The following PLXNA2 variants were observed in gnomAD, a reference collection of about 807,000 sequenced individuals.
PLXNA2 encodes plexin A2.
A neutral mutation model predicts 193.5 loss-of-function variants in PLXNA2; 91 were observed. The observed-to-expected ratio is 0.47, with a 90% CI of 0.40 to 0.56. PLXNA2 has a LOEUF of 0.56. PLXNA2 is among the 20% of genes least tolerant of loss of function. The pLI is 0.00. For synonymous variants in PLXNA2, 997 were observed against 1,027.3 expected (o/e 0.97, Z 0.56); for missense variants, 1,995 against 2,503.2 (o/e 0.80, Z 4.33).
At chr1:208,140,785 G>A (rs1668435879) in intron 4 of PLXNA2, among the ~76,000 whole-genome samples, 1 of 152,208 alleles carries the variant, frequency 6.6e-6, no homozygotes, top group South Asian at 2.1e-4. Flanking sequence ...CAGGATAAAA[G>A]AGCATGTATA....
At chr1:208,085,111 A>C (rs1347575879) in intron 9 of PLXNA2, among the ~76,000 whole-genome samples, 1 of 148,198 alleles carries the variant, frequency 6.7e-6, no homozygotes, top group Admixed American at 6.7e-5. Context: ...ATCTCATTTC[A>C]TTACCAGGCC....
chr1:208,039,148 T>C (rs1664773691), intron 24 of PLXNA2, among the ~76,000 whole-genome samples, 164 bp from the exon 25 acceptor site: 1 of 152,144 alleles, frequency 6.6e-6, no homozygotes, highest in African/African-American at 2.4e-5. Context: ...CTTCATAACA[T>C]CTGCCAAATG....
At chr1:208,135,888 C>T (rs912917887) in intron 4 of PLXNA2, among the ~76,000 whole-genome samples, 5 of 152,082 alleles carry the variant, frequency 3.3e-5, no homozygotes, top group African/African-American at 9.7e-5. Context: ...GCAAGCAGAC[C>T]GACTGCGTGA....
chr1:208,110,657 G>A (rs1244178222), intron 4 of PLXNA2, among the ~76,000 whole-genome samples: 2 of 152,204 alleles, frequency 1.3e-5, no homozygotes, highest in Admixed American at 6.5e-5. Flanking sequence ...AGAAAACTGA[G>A]TGTCAGCTTA....
chr1:208,070,714 G>A (rs1440856066), intron 12 of PLXNA2, among the ~76,000 whole-genome samples: 2 of 152,174 alleles, frequency 1.3e-5, no homozygotes, highest in Non-Finnish European at 2.9e-5. Context: ...ACCTCATAGT[G>A]CTTCAGTGTT....
intron 3 of PLXNA2, among the ~76,000 whole-genome samples, chr1:208,153,062 G>T (rs1233734151): frequency 6.6e-6 from 1 of 152,078 alleles, no homozygotes; most frequent in Non-Finnish European, 1.5e-5. Flanking sequence ...AGCTTCGTAT[G>T]CCTTACTACA....
chr1:208,089,683 A>C lies in PLXNA2; in HGVS notation c.2097+3103T>G, dbSNP rs180825671. On this transcript the variant is annotated intron_variant, in intron 9 of 31. Coordinates refer to ENST00000367033, the MANE Select transcript of PLXNA2 (RefSeq NM_025179.4). Reference sequence around the variant, plus strand: ...AAATGTGTGATATATTAATGTTGCTATATTAATCAATGGAGCTAATCAGTT... The same window carrying C: ...AAATGTGTGATATATTAATGTTGCTCTATTAATCAATGGAGCTAATCAGTT... 1.6e-4 allele frequency among the ~76,000 whole-genome samples: 24 copies of C among 152,310 alleles called. No homozygotes were observed. In the East Asian group the frequency reaches 4.6e-3, roughly 29 times the overall value.
intron 1 of PLXNA2, among the ~76,000 whole-genome samples, chr1:208,241,483 T>C (rs1672048849): frequency 6.6e-6 from 1 of 152,204 alleles, no homozygotes; most frequent in African/African-American, 2.4e-5. Context: ...CCAGCCCCCC[T>C]GTCCTGCTCC....
Position 208,022,369 on chromosome 1 carries a change from T to C in PLXNA2, c.*4874A>G. ...TTACAATAGGTACACAATAATATAT[T>C]AGAATAACAAAAAACCCCACTTTAT... On this transcript the variant is annotated 3_prime_UTR_variant, in exon 32 of 32. Transcript: ENST00000367033. 6.6e-6 allele frequency: 1 copy of C among 152,644 alleles called. No homozygotes were observed. The highest frequency in any genetic ancestry group is 1.9e-4 in the East Asian group (1 of 5,186). The allele number at this position is 152,644 out of a possible 1,614,324, so 9.5% of individuals were successfully genotyped here.
chr1:208,030,605 A>G (rs1664472148), intron 29 of PLXNA2: 2 of 985,272 alleles, frequency 2.0e-6, no homozygotes, highest in Admixed American at 1.2e-4. Flanking sequence ...GGAGGAAGGA[A>G]GAGATGGGGC....
chr1:208,128,618 A>T (rs1314510325), intron 4 of PLXNA2, among the ~76,000 whole-genome samples: 13 of 151,690 alleles, frequency 8.6e-5, no homozygotes, highest in Non-Finnish European at 1.5e-5. Context: ...CCTCCTTTTC[A>T]TAGATATTTT....
Position 208,025,550 on chromosome 1 carries a change from C to T in PLXNA2, c.*1693G>A, listed in dbSNP as rs1279440833. Reference sequence around the variant, plus strand: ...CACACCTTTGCTTCCACTTGTCCTCCTACCCCCTGACTCCAGTGCTGCTTG... The same window carrying T: ...CACACCTTTGCTTCCACTTGTCCTCTTACCCCCTGACTCCAGTGCTGCTTG... On this transcript the variant is annotated 3_prime_UTR_variant, in exon 32 of 32. Transcript: ENST00000367033. 4.6e-5 allele frequency: 7 copies of T among 152,150 alleles called. No individual in the cohort carries two copies. The highest frequency in any genetic ancestry group is 1.4e-4 in the African/African-American group (6 of 41,428). The allele number at this position is 152,150 out of a possible 1,614,324, so 9.4% of individuals were successfully genotyped here.
rs755432724 is a variant in PLXNA2 at position 208,084,587 on chromosome 1, G to A, written c.2098-7C>T. 9.3e-5 allele frequency: 150 copies of A among 1,612,758 alleles called. No homozygotes were observed. Among genetic ancestry groups the A allele is most frequent in the Non-Finnish European group, 1.2e-4 (145 of 1,179,150 alleles). The stretch of plus-strand genomic sequence containing the variant: ...GCACCAGCTGGGGACAGTCCTGGGG[G>A]AACAAACGAAGAGGCTCCATCTGTC... On this transcript the variant is annotated splice_region_variant and splice_polypyrimidine_tract_variant and intron_variant, in intron 9 of 31. Transcript: ENST00000367033.
At chr1:208,062,040 CA>C (rs1369416348) in intron 12 of PLXNA2, among the ~76,000 whole-genome samples, 1 of 151,994 alleles carries the variant, frequency 6.6e-6, no homozygotes, top group African/African-American at 2.4e-5. Flanking sequence ...TTTACTACAC[CA>C]TAGGGAGGGC....
intron 17 of PLXNA2, among the ~76,000 whole-genome samples, chr1:208,049,287 C>G (rs956674684): frequency 6.7e-6 from 1 of 148,160 alleles, no homozygotes; most frequent in Non-Finnish European, 1.5e-5. Flanking sequence ...TATTTTAAAA[C>G]ATGTACCTAA....
intron 3 of PLXNA2, among the ~76,000 whole-genome samples, chr1:208,166,186 G>A (rs947430853): frequency 2.0e-5 from 3 of 152,102 alleles, no homozygotes; most frequent in Admixed American, 6.5e-5. Flanking sequence ...AAAAAATCTC[G>A]ATAACATCAG....
chr1:208,028,251 T>C lies in PLXNA2; in HGVS notation c.5439-92A>G. 8.2e-7 allele frequency: 1 copy of C among 1,213,298 alleles called. No individual in the cohort carries two copies. Among genetic ancestry groups the C allele is most frequent in the Non-Finnish European group, 1.1e-6 (1 of 874,536 alleles). 75.2% of individuals were successfully genotyped at this position (1,213,298 alleles called of 1,614,324 possible). A position where few individuals can be genotyped will look rare whatever the true frequency, so the allele number is the denominator to read the frequency against. ...CCCAGGTCCTTCGAGGGCACTGATG[T>C]ACCCAGTTGCTCCTGCCTCCCTATT... is the stretch of plus-strand genomic sequence containing the variant. On this transcript the variant is annotated intron_variant, in intron 30 of 31. Coordinates refer to ENST00000367033, the MANE Select transcript of PLXNA2 (RefSeq NM_025179.4). The surrounding 1 kb of genome is among the most constrained non-coding windows in gnomAD (Gnocchi z 4.2).
chr1:208,039,860 A>C lies in PLXNA2; in HGVS notation c.4354-93T>G, dbSNP rs2274449. Reference sequence around the variant, plus strand: ...CTCTCGGAGCGAGGCCAGTGGAAGGAAGGGCTTTAGCACAGCCAGTCCAGG... The same window carrying C: ...CTCTCGGAGCGAGGCCAGTGGAAGGCAGGGCTTTAGCACAGCCAGTCCAGG... On this transcript the variant is annotated intron_variant, in intron 23 of 31. Transcript: ENST00000367033. 11,751 of 1,597,698 alleles carry C rather than the reference A, an allele frequency of 7.4e-3. 333 individuals are homozygous for C. The highest frequency in any genetic ancestry group is 0.07 in the Admixed American group (4,182 of 59,862).
Position 208,028,281 on chromosome 1 carries a change from T to C in PLXNA2, c.5439-122A>G, listed in dbSNP as rs145594087. ...AGTTGCTCCTGCCTCCCTATTTCTC[T>C]TCTGATGTGGCTTCCTCTGGCCTCT... On this transcript the variant is annotated intron_variant, in intron 30 of 31. Transcript: ENST00000367033. The surrounding 1 kb of genome is among the most constrained non-coding windows in gnomAD (Gnocchi z 4.2). 9.7e-4 allele frequency: 852 copies of C among 874,816 alleles called. 8 individuals carry two copies. The highest frequency in any genetic ancestry group is 9.5e-3 in the African/African-American group (555 of 58,460). The allele number at this position is 874,816 out of a possible 1,614,324, so 54.2% of individuals were successfully genotyped here.
Sources: allele counts gnomAD v4.1 joint callset (sites outside exome capture counted in the v4.1 genomes callset), GRCh38; gene constraint gnomAD v4.1.1; non-coding constraint Gnocchi (gnomAD v3.1); transcripts MANE v1.5; gene names NCBI Gene and HGNC (gene_info 2026-07-23, HGNC 2026-07-21).